Variants in MYO5A observed in about 807,000 individuals in gnomAD.
The protein encoded by MYO5A is unconventional myosin-Va.
In MYO5A, 98 loss-of-function variants were observed where a neutral mutation model predicts 249.7. That is an observed-to-expected ratio of 0.39 (90% CI 0.33 to 0.46). The LOEUF is 0.46. Among genes scored for constraint, MYO5A ranks in the 20% least tolerant of loss-of-function variants. MYO5A has a pLI of 0.98. For missense variants in MYO5A, 1,696 were observed against 2,308.8 expected (o/e 0.73, Z 5.44); for synonymous variants, 778 against 810.6 (o/e 0.96, Z 0.68).
At chr15:52,404,138 A>T (rs1268604194) in intron 9 of MYO5A, among the ~76,000 whole-genome samples, 5 of 151,920 alleles carry the variant, frequency 3.3e-5, no homozygotes, top group Non-Finnish European at 1.5e-5. Flanking sequence ...GGTGGTGTAC[A>T]CCTGTGGTCC....
intron 1 of MYO5A, among the ~76,000 whole-genome samples, chr15:52,447,701 G>A (rs2141360157): frequency 6.6e-6 from 1 of 152,322 alleles, no homozygotes; most frequent in African/African-American, 2.4e-5. Context: ...AAGGCTGAGA[G>A]GGTCTCAGAT....
At chr15:52,362,798 G>C (rs2040599587) in intron 24 of MYO5A, among the ~76,000 whole-genome samples, 1 of 152,148 alleles carries the variant, frequency 6.6e-6, no homozygotes, top group Non-Finnish European at 1.5e-5. Flanking sequence ...CGTCACTGGA[G>C]GACCTTTCTA....
At chr15:52,387,940 A>T (rs1423750010) in intron 13 of MYO5A, 28 bp from the exon 14 acceptor site, 2 of 1,478,148 alleles carry the variant, frequency 1.4e-6, no homozygotes, top group East Asian at 2.3e-5. Flanking sequence ...AATCTCCTTA[A>T]CTGATAAAAC....
chr15:52,507,676 C>T (rs544758619), intron 1 of MYO5A, among the ~76,000 whole-genome samples: 56 of 151,774 alleles, frequency 3.7e-4, no homozygotes, highest in African/African-American at 1.2e-3. Flanking sequence ...ATCAGCAGGG[C>T]ATAGTGGCAT....
chr15:52,389,522 G>C lies in MYO5A; in HGVS notation c.1543-159C>G, dbSNP rs114562775. On this transcript the variant is annotated intron_variant, in intron 12 of 41. Coordinates refer to ENST00000399233, the MANE Select transcript of MYO5A (RefSeq NM_001382347.1). ...TCATTCCTTCCACATTTCATTGTTA[G>C]AGGCCAACAACCAATTACTAATGAA... Among the ~76,000 whole-genome samples the C allele has an allele frequency of 9.9e-3, 1,498 of 151,988 alleles. 28 individuals carry two copies. The highest frequency in any genetic ancestry group is 0.034 in the African/African-American group (1,420 of 41,410).
intron 4 of MYO5A, among the ~76,000 whole-genome samples, chr15:52,418,748 G>C (rs2141260718): frequency 6.7e-6 from 1 of 148,804 alleles, no homozygotes; most frequent in East Asian, 2.0e-4. Flanking sequence ...GAGAGAAAGA[G>C]AGAGAGACAG....
intron 2 of MYO5A, among the ~76,000 whole-genome samples, chr15:52,431,409 T>C (rs989433667): frequency 2.0e-5 from 3 of 151,666 alleles, no homozygotes; most frequent in Non-Finnish European, 4.4e-5. Context: ...AACACATACA[T>C]ACATATGTAA....
intron 1 of MYO5A, among the ~76,000 whole-genome samples, chr15:52,500,828 A>C (rs1009733230): frequency 6.6e-6 from 1 of 152,126 alleles, no homozygotes; most frequent in Non-Finnish European, 1.5e-5. Context: ...TTCTTAGTTC[A>C]TGCCTAATCC....
chr15:52,329,782 AGGGTGGAGT>A (rs1423725567), intron 35 of MYO5A, among the ~76,000 whole-genome samples: 7 of 152,172 alleles, frequency 4.6e-5, no homozygotes, highest in African/African-American at 1.7e-4. Context: ...TGTGTAGCCC[AGGGTGGAGT>A]GCAGTGGTAT....
At chr15:52,335,580 T>C (rs1488931978) in intron 34 of MYO5A, among the ~76,000 whole-genome samples, 2 of 149,920 alleles carry the variant, frequency 1.3e-5, no homozygotes, top group African/African-American at 4.9e-5. Context: ...TAGATCCCTG[T>C]ACCTATAACT....
intron 9 of MYO5A, among the ~76,000 whole-genome samples, chr15:52,398,065 T>C (rs899604548): frequency 6.6e-6 from 1 of 151,976 alleles, no homozygotes; most frequent in Non-Finnish European, 1.5e-5. Flanking sequence ...CATTCTGTGG[T>C]GGGAAGGAAA....
chr15:52,463,234 T>C (rs1238210976), intron 1 of MYO5A, among the ~76,000 whole-genome samples: 1 of 152,218 alleles, frequency 6.6e-6, no homozygotes, highest in African/African-American at 2.4e-5. Context: ...TCCCCAGATG[T>C]CAAGCCGGCA....
At chr15:52,436,891 C>T (rs1310820718) in intron 1 of MYO5A, among the ~76,000 whole-genome samples, 1 of 152,206 alleles carries the variant, frequency 6.6e-6, no homozygotes, top group Non-Finnish European at 1.5e-5. Context: ...ATGGGTTCTA[C>T]TCCCAGGGCC....
chr15:52,447,531 GA>G (rs1240028524), intron 1 of MYO5A, among the ~76,000 whole-genome samples: 1 of 152,174 alleles, frequency 6.6e-6, no homozygotes, highest in East Asian at 1.9e-4. Context: ...AAAGATACCT[GA>G]AAATGTGGAA....
At chr15:52,457,958 T>C (rs974853914) in intron 1 of MYO5A, among the ~76,000 whole-genome samples, 3 of 152,170 alleles carry the variant, frequency 2.0e-5, no homozygotes, top group African/African-American at 4.8e-5. Flanking sequence ...TGCAGCAGCA[T>C]GGATGAAACT....
In MYO5A at chr15:52,351,376, G is replaced by A; in HGVS notation, c.3727C>T (p.Pro1243Ser). The change falls in exon 28 of 42, where the codon CCT becomes TCT. Residue 1243 changes from proline to serine, a missense_variant. By Grantham distance (74) the Pro-to-Ser change is moderately conservative (BLOSUM62 -1). Around this residue, in one of 5 missense-constraint regions of MYO5A, gnomAD observed 625 missense variants for 908.1 expected, o/e 0.69. Transcript: ENST00000399233. ...TGCTCCATGAGGACACGGTAGGCAGGTGCACCTGGGGCGGTCACCTCTGGG... is the reference window on the plus strand; with the variant it reads ...TGCTCCATGAGGACACGGTAGGCAGATGCACCTGGGGCGGTCACCTCTGGG... Reference protein sequence around the residue: ...SAPEVTAPGAPAYRVLMEQLT... With the variant: ...SAPEVTAPGASAYRVLMEQLT... 1 of 1,614,202 alleles carries A rather than the reference G, an allele frequency of 6.2e-7. No homozygotes were observed. The highest frequency in any genetic ancestry group is 8.5e-7 in the Non-Finnish European group (1 of 1,180,024).
chr15:52,372,111 T>C lies in MYO5A; in HGVS notation c.2817+13A>G. 1.2e-6 allele frequency: 2 copies of C among 1,613,398 alleles called. No individual in the cohort carries two copies. Among genetic ancestry groups the C allele is most frequent in the African/African-American group, 1.3e-5 (1 of 75,012 alleles). Reference sequence around the variant, plus strand: ...GGCATACTCCACTCTCAGGGCCCCTTTGTGAAACACACCTGCTCATCAACT... The same window carrying C: ...GGCATACTCCACTCTCAGGGCCCCTCTGTGAAACACACCTGCTCATCAACT... On this transcript the variant is annotated intron_variant, in intron 21 of 41. Transcript: ENST00000399233.
chr15:52,405,051 T>TCACACA (rs58764245), intron 9 of MYO5A, among the ~76,000 whole-genome samples: 4,015 of 140,230 alleles, frequency 0.029, 197 homozygotes, highest in East Asian at 0.22. Flanking sequence ...TCTCTCTCTG[T>TCACACA]CACACACACA....
rs563030400 is a variant in MYO5A at position 52,370,227 on chromosome 15, C to A, written c.3008G>T (p.Arg1003Leu). ...TTCCTCAATGCATTTTTTCTCTGAA[C>A]GAGTTTGCTCCAGGTCTTTCCGGAG... ...AKLRKDLEQT[R>L]SEKKCIEEHA... Residue 1003 changes from arginine to leucine, a missense_variant, in exon 22 of 42, where the codon CGT (arginine) becomes CTT (leucine). Coordinates refer to ENST00000399233, the MANE Select transcript of MYO5A (RefSeq NM_001382347.1). 6.2e-7 allele frequency: 1 copy of A among 1,614,060 alleles called. No homozygotes were observed.
Sources: gnomAD v4.1 joint callset for allele counts (sites outside exome capture counted in the v4.1 genomes callset) on GRCh38, gnomAD v4.1.1 for gene constraint, gnomAD v4.1.1 regional missense constraint, MANE v1.5 for transcripts, NCBI Gene and HGNC (gene_info 2026-07-23, HGNC 2026-07-21) for gene names.